RCOR1: variants seen among roughly 807,000 people sequenced by gnomAD.
RCOR1 encodes REST corepressor 1.
In RCOR1, 12 loss-of-function variants were observed where a neutral mutation model predicts 64.0. The ratio of observed to expected loss-of-function variants is 0.19; its 90% CI spans 0.12 to 0.30. The LOEUF is 0.30. Among genes scored for constraint, RCOR1 ranks in the 10% least tolerant of loss-of-function variants. The pLI, the probability that RCOR1 is intolerant of heterozygous loss-of-function variation, is 1.00. For missense variants in RCOR1, 502 were observed against 621.2 expected, an observed-to-expected ratio of 0.81 and a Z score of 2.04; for synonymous variants, 279 against 227.2, an observed-to-expected ratio of 1.23 and a Z score of -2.05.
At chr14:102,714,912 A>G (rs573768264) in intron 8 of RCOR1, among the ~76,000 whole-genome samples, 12 of 152,272 alleles carry the variant, frequency 7.9e-5, no homozygotes, top group African/African-American at 2.6e-4. Context: ...CACAATATGA[A>G]CATACCCTAG....
chr14:102,710,846 G>A (rs1439889861), intron 6 of RCOR1, 89 bp from the exon 7 acceptor site: 6 of 852,790 alleles, frequency 7.0e-6, no homozygotes, highest in Non-Finnish European at 1.1e-5. Context: ...GGTAAAATTA[G>A]TACAAAATTT....
intron 11 of RCOR1, 31 bp from the exon 12 acceptor site, chr14:102,726,437 C>CTTT: frequency 4.1e-5 from 58 of 1,411,992 alleles, no homozygotes; most frequent in South Asian, 1.0e-4. Flanking sequence ...CTCTTTGATC[C>CTTT]TTTTTTTTTT....
chr14:102,596,861 G>A (rs1402303493), intron 2 of RCOR1, among the ~76,000 whole-genome samples: 1 of 118,606 alleles, frequency 8.4e-6, no homozygotes, highest in Non-Finnish European at 1.7e-5. Context: ...CACTGTGACT[G>A]CCCCTCCCCC....
intron 5 of RCOR1, 63 bp downstream of exon 5, chr14:102,707,575 A>G (rs1895880746): frequency 1.5e-6 from 2 of 1,326,734 alleles, no homozygotes; most frequent in Admixed American, 2.3e-5. Flanking sequence ...TTTGCAGCAT[A>G]CTTGAGATAG....
intron 2 of RCOR1, among the ~76,000 whole-genome samples, chr14:102,678,321 G>GT (rs1895234351): frequency 6.6e-6 from 1 of 152,018 alleles, no homozygotes; most frequent in East Asian, 1.9e-4. Flanking sequence ...TTGTTTTGAG[G>GT]TGGTGTCTCG....
intron 2 of RCOR1, among the ~76,000 whole-genome samples, chr14:102,622,162 G>A (rs917079677): frequency 1.4e-5 from 2 of 140,730 alleles, no homozygotes; most frequent in African/African-American, 2.5e-5. Context: ...TGGAGGAGGG[G>A]CTGTGTAACC....
At chr14:102,683,759 G>A (rs183430816) in intron 3 of RCOR1, among the ~76,000 whole-genome samples, 11 of 152,348 alleles carry the variant, frequency 7.2e-5, no homozygotes, top group East Asian at 5.8e-4. Context: ...CTCCGCCCTC[G>A]GGCCCAGTGC....
At chr14:102,619,473 C>CT (rs35488660) in intron 2 of RCOR1, among the ~76,000 whole-genome samples, 1,952 of 130,306 alleles carry the variant, frequency 0.015, 15 homozygotes, top group East Asian at 0.016. Flanking sequence ...TCTATCTAAT[C>CT]TTTTTTTTTT....
intron 8 of RCOR1, among the ~76,000 whole-genome samples, chr14:102,719,932 T>C (rs1159656640): frequency 6.6e-6 from 1 of 152,244 alleles, no homozygotes; most frequent in Admixed American, 6.5e-5. Context: ...GTGAACATAA[T>C]CTGAGTACTT....
intron 2 of RCOR1, among the ~76,000 whole-genome samples, chr14:102,628,209 A>G (rs1392378014): frequency 6.6e-6 from 1 of 152,148 alleles, no homozygotes; most frequent in African/African-American, 2.4e-5. Flanking sequence ...TCCCACCCAC[A>G]TTAAGGAGGG....
chr14:102,652,316 A>C (rs1296322927), intron 2 of RCOR1, among the ~76,000 whole-genome samples: 1 of 152,212 alleles, frequency 6.6e-6, no homozygotes, highest in Non-Finnish European at 1.5e-5. Context: ...CTGTTATGCT[A>C]CACCAAATAA....
At chr14:102,648,145 C>G (rs141523157) in intron 2 of RCOR1, among the ~76,000 whole-genome samples, 19 of 152,190 alleles carry the variant, frequency 1.2e-4, no homozygotes, top group African/African-American at 3.4e-4. Context: ...GTGGCGTGAT[C>G]TCGCCTCACT....
At chr14:102,621,874 T>C (rs543461813) in intron 2 of RCOR1, among the ~76,000 whole-genome samples, 85 of 152,272 alleles carry the variant, frequency 5.6e-4, no homozygotes, top group Non-Finnish European at 8.2e-4. Context: ...GGGATTTTGT[T>C]GGATGAATGC....
chr14:102,713,202 C>T (rs1315363348), intron 7 of RCOR1, among the ~76,000 whole-genome samples: 2 of 151,426 alleles, frequency 1.3e-5, no homozygotes, highest in African/African-American at 4.8e-5. Flanking sequence ...GATCCACCCA[C>T]CTCGGCCTCC....
intron 2 of RCOR1, among the ~76,000 whole-genome samples, chr14:102,676,733 AC>A (rs1336016586): frequency 4.3e-3 from 217 of 50,736 alleles, no homozygotes; most frequent in African/African-American, 7.0e-3. Context: ...CGGGGGGCTG[AC>A]CCCCCCCACC....
intron 2 of RCOR1, among the ~76,000 whole-genome samples, chr14:102,671,001 T>C (rs553420307): frequency 5.9e-5 from 9 of 152,274 alleles, no homozygotes; most frequent in Non-Finnish European, 1.3e-4. Context: ...CTTGAACTCC[T>C]GACCTCAGGT....
chr14:102,650,674 C>T (rs187325337), intron 2 of RCOR1, among the ~76,000 whole-genome samples: 1 of 152,316 alleles, frequency 6.6e-6, no homozygotes, highest in Admixed American at 6.5e-5. Context: ...TCATGCTTCT[C>T]ATTTTACTGA....
intron 2 of RCOR1, among the ~76,000 whole-genome samples, chr14:102,639,502 TTTATTTA>T (rs1567418062): frequency 1.8e-3 from 44 of 24,370 alleles, no homozygotes; most frequent in Non-Finnish European, 2.7e-3. Context: ...TTAATTTTTA[TTTATTTA>T]TTTATTTATT....
At chr14:102,707,549 TC>T in intron 5 of RCOR1, 37 bp downstream of exon 5, 1 of 1,520,110 alleles carries the variant, frequency 6.6e-7, no homozygotes, top group Non-Finnish European at 8.9e-7. Flanking sequence ...ATTTTTTTTC[TC>T]CTATCTAACT....
Sources: allele counts gnomAD v4.1 joint callset (sites outside exome capture counted in the v4.1 genomes callset), GRCh38; gene constraint gnomAD v4.1.1; transcripts MANE v1.5; gene names NCBI Gene and HGNC (gene_info 2026-07-23, HGNC 2026-07-21).